The following KSR2 variants were observed in gnomAD, a reference collection of about 807,000 sequenced individuals.
KSR2 encodes the protein kinase suppressor of ras 2.
KSR2 carries 25 observed loss-of-function variants against 107.8 expected under a neutral mutation model. That is an observed-to-expected ratio of 0.23 (90% confidence interval 0.17 to 0.32). The LOEUF (loss-of-function observed/expected upper bound fraction) is 0.32, where lower values mean the gene tolerates loss of function less well. Ranked by LOEUF, KSR2 falls within the 10% of genes least tolerant of loss-of-function variation. The pLI, the probability that KSR2 is intolerant of heterozygous loss-of-function variation, is 1.00. For synonymous variants in KSR2, 480 were observed against 507.0 expected (o/e 0.95, Z 0.71); for missense variants, 887 against 1,268.9 (o/e 0.70, Z 4.57).
chr12:117,588,912 C>A (rs887512345), intron 5 of KSR2, among the ~76,000 whole-genome samples: 1 of 152,178 alleles, frequency 6.6e-6, no homozygotes, highest in Non-Finnish European at 1.5e-5. Context: ...AGCATGAGAG[C>A]AATGCTCAGA....
chr12:117,619,274 A>G (rs551725014), intron 5 of KSR2, among the ~76,000 whole-genome samples: 43 of 151,478 alleles, frequency 2.8e-4, no homozygotes, highest in African/African-American at 9.7e-4. Context: ...AGTTAGTTAC[A>G]TATGTATACA....
At chr12:117,727,866 T>A (rs1005461489) in intron 4 of KSR2, among the ~76,000 whole-genome samples, 6 of 152,138 alleles carry the variant, frequency 3.9e-5, no homozygotes, top group African/African-American at 1.4e-4. Flanking sequence ...AAAATATTAG[T>A]AATATGTAGC....
At chr12:117,598,303 G>A (rs760301926) in intron 5 of KSR2, among the ~76,000 whole-genome samples, 8 of 152,172 alleles carry the variant, frequency 5.3e-5, no homozygotes, top group Non-Finnish European at 1.0e-4. Flanking sequence ...TGCTGCAAAT[G>A]CCATTATTTC....
At chr12:117,511,077 C>G (rs1385744098) in intron 14 of KSR2, among the ~76,000 whole-genome samples, 1 of 152,134 alleles carries the variant, frequency 6.6e-6, no homozygotes, top group Non-Finnish European at 1.5e-5. Flanking sequence ...CTCAGACAGT[C>G]TAAGTGATTA....
At chr12:117,761,987 A>G (rs1195951770) in intron 3 of KSR2, among the ~76,000 whole-genome samples, 1 of 152,220 alleles carries the variant, frequency 6.6e-6, no homozygotes, top group Non-Finnish European at 1.5e-5. Context: ...CATCATAAGT[A>G]CATTTACATA....
At position 117,820,696 on chromosome 12, in the gene KSR2, G is replaced by C. The variant is rs772807874; in HGVS notation, c.472+34732C>G. Among the ~76,000 whole-genome samples the C allele has an allele frequency of 5.9e-5, 9 of 152,070 alleles. 1 individual carries two copies. Among genetic ancestry groups the C allele is most frequent in the Middle Eastern group, 6.8e-3 (2 of 292 alleles). On this transcript the variant is annotated intron_variant, in intron 3 of 19. Transcript: ENST00000339824. ...CTCCCTCCTTCCCCTACAACCCAGA[G>C]GTTCATCAACTTACAATGACCTCAG...
At chr12:117,784,165 T>C (rs1889980262) in intron 3 of KSR2, among the ~76,000 whole-genome samples, 1 of 152,224 alleles carries the variant, frequency 6.6e-6, no homozygotes. Context: ...ATGGCTTGGC[T>C]GTGTCCCCAC....
intron 1 of KSR2, among the ~76,000 whole-genome samples, chr12:117,867,741 A>T (rs925646243): frequency 2.0e-5 from 3 of 152,214 alleles, no homozygotes; most frequent in Admixed American, 6.5e-5. Context: ...ATTGGCTATA[A>T]GTGAGGCCAT....
chr12:117,793,845 C>T (rs999965998), intron 3 of KSR2, among the ~76,000 whole-genome samples: 1 of 148,148 alleles, frequency 6.8e-6, no homozygotes, highest in African/African-American at 2.5e-5. Context: ...CATGCACACA[C>T]TCATACCATG....
At chr12:117,620,655 T>C (rs143591387) in intron 5 of KSR2, among the ~76,000 whole-genome samples, 26 of 152,294 alleles carry the variant, frequency 1.7e-4, no homozygotes, top group Non-Finnish European at 3.4e-4. Flanking sequence ...CTAGCTCCAA[T>C]ATCAGCAGCA....
intron 7 of KSR2, among the ~76,000 whole-genome samples, chr12:117,570,768 C>T (rs977485718): frequency 1.3e-5 from 2 of 152,166 alleles, no homozygotes; most frequent in Admixed American, 6.5e-5. Context: ...GTGTTAGCCT[C>T]ACTGTGTATC....
chr12:117,757,419 A>C (rs950621794), intron 4 of KSR2, among the ~76,000 whole-genome samples: 2 of 152,256 alleles, frequency 1.3e-5, no homozygotes, highest in Admixed American at 1.3e-4. Context: ...TTGAAATGAC[A>C]AGAAACATTT....
At chr12:117,513,594 G>C (rs977252182) in intron 14 of KSR2, among the ~76,000 whole-genome samples, 1 of 152,216 alleles carries the variant, frequency 6.6e-6, no homozygotes, top group African/African-American at 2.4e-5. Flanking sequence ...GGCAGGTTTG[G>C]TGGTTTGGAC....
At chr12:117,893,934 G>T (rs1282815284) in intron 1 of KSR2, among the ~76,000 whole-genome samples, 3 of 144,824 alleles carry the variant, frequency 2.1e-5, no homozygotes, top group Non-Finnish European at 4.5e-5. Flanking sequence ...TTTTGAGACG[G>T]AGTCTCGCTC....
chr12:117,939,947 ACAC>A (rs1485947364), intron 1 of KSR2, among the ~76,000 whole-genome samples: 14 of 13,090 alleles, frequency 1.1e-3, no homozygotes, highest in Middle Eastern at 0.056. Flanking sequence ...TCTTAAAAAC[ACAC>A]ACACACACAC....
chr12:117,700,101 G>A (rs980028739), intron 4 of KSR2, among the ~76,000 whole-genome samples: 4 of 150,738 alleles, frequency 2.7e-5, no homozygotes, highest in Non-Finnish European at 5.9e-5. Flanking sequence ...GGCTGGTCTC[G>A]AACTCCTGAT....
At chr12:117,936,154 G>C (rs1895830236) in intron 1 of KSR2, among the ~76,000 whole-genome samples, 2 of 151,860 alleles carry the variant, frequency 1.3e-5, no homozygotes, top group African/African-American at 4.8e-5. Context: ...TCCCACCTCA[G>C]CCTCCTGAGT....
At chr12:117,911,779 C>A (rs1895022101) in intron 1 of KSR2, among the ~76,000 whole-genome samples, 1 of 139,568 alleles carries the variant, frequency 7.2e-6, no homozygotes, top group South Asian at 2.3e-4. Flanking sequence ...TACCACAATT[C>A]ATGAGGATCG....
At chr12:117,610,141 G>A (rs1048987287) in intron 5 of KSR2, among the ~76,000 whole-genome samples, 1 of 151,760 alleles carries the variant, frequency 6.6e-6, no homozygotes, top group Non-Finnish European at 1.5e-5. Context: ...CAGCCTCCTG[G>A]GTAAGAAGAT....
Sources: allele counts gnomAD v4.1 joint callset (sites outside exome capture counted in the v4.1 genomes callset), GRCh38; gene constraint gnomAD v4.1.1; transcripts MANE v1.5; gene names NCBI Gene and HGNC (gene_info 2026-07-23, HGNC 2026-07-21).